The following ERI3 variants were observed in gnomAD, a reference collection of about 807,000 sequenced individuals.
ERI3 encodes ERI1 exoribonuclease family member 3, also known as ERI1 exoribonuclease 3.
Under a neutral mutation model 44.4 loss-of-function variants are expected in ERI3, and 18 were observed. That is an observed-to-expected ratio of 0.41 (90% CI 0.28 to 0.60). ERI3 has a LOEUF of 0.60. Among genes scored for constraint, ERI3 ranks in the 20% least tolerant of loss-of-function variants. ERI3 has a pLI of 0.36. For synonymous variants in ERI3, 183 were observed against 164.8 expected (o/e 1.11, Z -0.84); for missense variants, 294 against 435.5 (o/e 0.68, Z 2.89).
intron 7 of ERI3, among the ~76,000 whole-genome samples, chr1:44,281,606 A>G (rs1255037261): frequency 1.4e-5 from 2 of 143,400 alleles, no homozygotes; most frequent in East Asian, 3.9e-4. Flanking sequence ...AAAAAAATAT[A>G]TATATATATA....
chr1:44,270,303 C>T (rs1645064616), intron 7 of ERI3, among the ~76,000 whole-genome samples: 1 of 152,184 alleles, frequency 6.6e-6, no homozygotes, highest in African/African-American at 2.4e-5. Context: ...ATTTATGCCT[C>T]TTAGTTTACT....
intron 7 of ERI3, among the ~76,000 whole-genome samples, chr1:44,278,217 C>T (rs1645217417): frequency 6.6e-6 from 1 of 152,164 alleles, no homozygotes; most frequent in African/African-American, 2.4e-5. Flanking sequence ...GTGGCTCGCA[C>T]CTGTAATCCC....
intron 6 of ERI3, among the ~76,000 whole-genome samples, chr1:44,303,416 G>A (rs146117186): frequency 4.7e-4 from 72 of 152,282 alleles, no homozygotes; most frequent in Non-Finnish European, 9.0e-4. Flanking sequence ...GATTCCACAG[G>A]AACACTCCAT....
At chr1:44,283,720 A>C (rs1422047572) in intron 7 of ERI3, among the ~76,000 whole-genome samples, 4 of 152,228 alleles carry the variant, frequency 2.6e-5, no homozygotes. Context: ...TGATGCCACA[A>C]AGCATGGAAC....
intron 7 of ERI3, among the ~76,000 whole-genome samples, chr1:44,262,669 C>T (rs1644917981): frequency 6.6e-6 from 1 of 152,216 alleles, no homozygotes; most frequent in African/African-American, 2.4e-5. Flanking sequence ...CCCAATCCAG[C>T]CTAGCGGGAG....
rs142390114 is a variant in ERI3 at position 44,319,199 on chromosome 1, G to A, written c.606+429C>T. Among the ~76,000 whole-genome samples, 484 of 152,280 alleles carry A rather than the reference G, an allele frequency of 3.2e-3. 3 individuals are homozygous for A. Among genetic ancestry groups the A allele is most frequent in the African/African-American group, 0.011 (460 of 41,550 alleles). ...TGTACCTTCGACAAACTCAACCTAC[G>A]CTTCACACAGGACCACTTTACAGGA... On this transcript the variant is annotated intron_variant, in intron 4 of 8. Coordinates refer to ENST00000372257, the MANE Select transcript of ERI3 (RefSeq NM_024066.3).
chr1:44,247,239 C>T (rs1644573421), intron 8 of ERI3, among the ~76,000 whole-genome samples: 1 of 152,140 alleles, frequency 6.6e-6, no homozygotes, highest in Non-Finnish European at 1.5e-5. Flanking sequence ...AAAGGTGTCA[C>T]ACATATGCAG....
intron 3 of ERI3, among the ~76,000 whole-genome samples, chr1:44,327,037 T>C (rs1334570051): frequency 6.6e-6 from 1 of 152,226 alleles, no homozygotes; most frequent in Non-Finnish European, 1.5e-5. Flanking sequence ...AGTTCAAACA[T>C]TTTTACATAT....
chr1:44,229,701 C>T (rs1644131225), intron 8 of ERI3, among the ~76,000 whole-genome samples: 1 of 152,214 alleles, frequency 6.6e-6, no homozygotes. Context: ...CCTGGGCGTA[C>T]AGGTCTGAGG....
Position 44,235,130 on chromosome 1 carries a change from G to T in ERI3, c.931+12809C>A, listed in dbSNP as rs1307570258. Among the ~76,000 whole-genome samples the T allele has an allele frequency of 1.3e-5, 2 of 152,140 alleles. No individual in the cohort carries two copies. Among genetic ancestry groups the T allele is most frequent in the African/African-American group, 4.8e-5 (2 of 41,428 alleles). On this transcript the variant is annotated intron_variant, in intron 8 of 8. Coordinates refer to ENST00000372257, the MANE Select transcript of ERI3 (RefSeq NM_024066.3). The surrounding 1 kb of genome is among the most constrained non-coding windows in gnomAD (Gnocchi z 4.6). The stretch of plus-strand genomic sequence containing the variant: ...GTGGCTCCTCACTGCTCTCAGGACT[G>T]CTCAGCTAATCCCCATTAAGTTCAA...
intron 6 of ERI3, among the ~76,000 whole-genome samples, chr1:44,288,150 CCAGA>C (rs10560823): frequency 0.64 from 96,287 of 151,550 alleles, 32,055 homozygotes; most frequent in East Asian, 0.8. Context: ...TGAGGACAGA[CCAGA>C]CAGTCAGGTT....
chr1:44,342,646 C>T (rs72891795), intron 2 of ERI3, among the ~76,000 whole-genome samples: 11,045 of 147,038 alleles, frequency 0.075, 1,280 homozygotes, highest in African/African-American at 0.25. Context: ...CACTCCATTG[C>T]CTTCTTGTTT....
At chr1:44,319,548 C>G (rs1646157680) in intron 4 of ERI3, 80 bp downstream of exon 4, 1 of 891,908 alleles carries the variant, frequency 1.1e-6, no homozygotes, top group African/African-American at 1.7e-5. Flanking sequence ...TATGCTTTCT[C>G]TAAGTGGCCT....
chr1:44,305,320 A>G (rs1346260861), intron 6 of ERI3, among the ~76,000 whole-genome samples: 1 of 152,136 alleles, frequency 6.6e-6, no homozygotes, highest in Non-Finnish European at 1.5e-5. Flanking sequence ...CCACCACCAT[A>G]CCAAAGATGG....
At chr1:44,289,494 T>G (rs1645459691) in intron 6 of ERI3, among the ~76,000 whole-genome samples, 1 of 152,182 alleles carries the variant, frequency 6.6e-6, no homozygotes, top group Non-Finnish European at 1.5e-5. Context: ...CCTTTATTAC[T>G]CCTTTTGAAT....
At chr1:44,337,205 A>T (rs1646552214) in intron 3 of ERI3, among the ~76,000 whole-genome samples, 1 of 152,224 alleles carries the variant, frequency 6.6e-6, no homozygotes, top group South Asian at 2.1e-4. Flanking sequence ...CACATATATA[A>T]GCATATGCCA....
At chr1:44,233,359 G>C (rs373004480) in intron 8 of ERI3, among the ~76,000 whole-genome samples, 4 of 149,584 alleles carry the variant, frequency 2.7e-5, no homozygotes, top group African/African-American at 7.4e-5. Flanking sequence ...GTTTGCCCCA[G>C]TCCTCTCCTC....
At chr1:44,354,273 G>A (rs1490673625) in intron 1 of ERI3, 2 of 985,238 alleles carry the variant, frequency 2.0e-6, no homozygotes, top group Non-Finnish European at 2.4e-6. Context: ...GAGACCTCTC[G>A]CAGACACAAC....
intron 8 of ERI3, among the ~76,000 whole-genome samples, chr1:44,226,845 C>G (rs1035647388): frequency 1.3e-5 from 2 of 150,740 alleles, no homozygotes; most frequent in African/African-American, 4.9e-5. Flanking sequence ...CTAATACTTT[C>G]AGTTTTTTTA....
Sources: gnomAD v4.1 joint callset for allele counts (sites outside exome capture counted in the v4.1 genomes callset) on GRCh38, gnomAD v4.1.1 for gene constraint, Gnocchi (gnomAD v3.1) non-coding constraint, MANE v1.5 for transcripts, NCBI Gene and HGNC (gene_info 2026-07-23, HGNC 2026-07-21) for gene names.